The following LRRC55 variants were observed in gnomAD, a reference collection of about 807,000 sequenced individuals.
LRRC55 encodes the protein leucine-rich repeat-containing protein 55.
LRRC55 carries 11 observed loss-of-function variants against 20.5 expected under a neutral mutation model. The observed-to-expected ratio is 0.54, with a 90% CI of 0.34 to 0.89. The LOEUF (loss-of-function observed/expected upper bound fraction) is 0.89, where lower values mean the gene tolerates loss of function less well. Ranked by LOEUF, LRRC55 falls within the 40% of genes least tolerant of loss-of-function variation. The pLI is 0.02. For synonymous variants in LRRC55, 188 were observed against 166.6 expected (o/e 1.13, Z -0.99); for missense variants, 358 against 390.9 (o/e 0.92, Z 0.71).
At chr11:57,184,716 G>C (rs996997253) in intron 1 of LRRC55, among the ~76,000 whole-genome samples, 6 of 152,180 alleles carry the variant, frequency 3.9e-5, no homozygotes, top group Admixed American at 3.3e-4. Context: ...TAATAAGCAA[G>C]CCCCTGGGAT....
At position 57,182,478 on chromosome 11, in the gene LRRC55, G is replaced by T; in HGVS notation, c.456G>T (p.Arg152Ser). ...TGAGCCACAACCCCTGGCTGCGGAG[G>T]GTGCATCCCCAGGCCTTTCAGGGCC... ...IDLSHNPWLR[R>S]VHPQAFQGLM... Residue 152 changes from arginine (R) to serine (S), a missense_variant, in exon 1 of 2, where the codon AGG (arginine) becomes AGT (serine). Transcript: ENST00000497933. 1.9e-6 allele frequency: 3 copies of T among 1,609,952 alleles called. No individual in the cohort carries two copies. Among genetic ancestry groups the T allele is most frequent in the Non-Finnish European group, 2.5e-6 (3 of 1,178,634 alleles).
Position 57,188,716 on chromosome 11 carries a change from T to G in LRRC55, c.*1236T>G, listed in dbSNP as rs1854467680. ...TGCTCTTTCTACTGCCCCATCCAAG[T>G]TGGGGAACATCACCATTCCCTCTAG... On this transcript the variant is annotated 3_prime_UTR_variant, in exon 2 of 2. Coordinates refer to ENST00000497933, the MANE Select transcript of LRRC55 (RefSeq NM_001005210.4). The G allele has an allele frequency of 6.6e-6, 1 of 152,224 alleles. No individual in the cohort carries two copies. Among genetic ancestry groups the G allele is most frequent in the Non-Finnish European group, 1.5e-5 (1 of 68,044 alleles). The allele number at this position is 152,224 out of a possible 1,614,324, so 9.4% of individuals were successfully genotyped here. A position where few individuals can be genotyped will look rare whatever the true frequency, so the allele number is the denominator to read the frequency against.
At chr11:57,184,798 T>C (rs1355491874) in intron 1 of LRRC55, among the ~76,000 whole-genome samples, 1 of 152,198 alleles carries the variant, frequency 6.6e-6, no homozygotes, top group African/African-American at 2.4e-5. Flanking sequence ...CCACCCTGCA[T>C]CCTGTGTGGT....
chr11:57,181,972 G>T lies in LRRC55; in HGVS notation c.-51G>T. The T allele has an allele frequency of 6.2e-7, 1 of 1,614,076 alleles. No homozygotes were observed. The highest frequency in any genetic ancestry group is 8.5e-7 in the Non-Finnish European group (1 of 1,180,000). Reference sequence around the variant, plus strand: ...TGTGTCACAGACTCTCGATTCCATGGACACAGTCCTCATGGGCTCCCTCCA... The same window carrying T: ...TGTGTCACAGACTCTCGATTCCATGTACACAGTCCTCATGGGCTCCCTCCA... On this transcript the variant is annotated 5_prime_UTR_variant, in exon 1 of 2. Transcript: ENST00000497933.
chr11:57,186,656 G>T (rs1395166194), intron 1 of LRRC55, among the ~76,000 whole-genome samples: 1 of 152,224 alleles, frequency 6.6e-6, no homozygotes, highest in Non-Finnish European at 1.5e-5. Flanking sequence ...TTCAAGAGGG[G>T]ACACTCTGAG....
chr11:57,186,251 A>G (rs1271547792), intron 1 of LRRC55, among the ~76,000 whole-genome samples: 1 of 152,202 alleles, frequency 6.6e-6, no homozygotes, highest in African/African-American at 2.4e-5. Flanking sequence ...GAAATGCAAC[A>G]TAAGTAGTGG....
rs1455032070 is a variant in LRRC55 at position 57,182,342 on chromosome 11, G to A, written c.320G>A (p.Gly107Asp). The change falls in exon 1 of 2, where the codon GGC (glycine) becomes GAC (aspartate). Residue 107 changes from glycine to aspartate, a missense_variant. Physicochemically the swap from Gly to Asp is moderately conservative, Grantham distance 94. Transcript: ENST00000497933. ...HNNSLMELPR[G>D]LFLHAKRLAH... ...AACTCCTTAATGGAGCTGCCCCGGG[G>A]CCTCTTCCTCCATGCCAAGCGCTTG... 2 of 1,613,864 alleles carry A rather than the reference G, an allele frequency of 1.2e-6. No individual in the cohort carries two copies. The highest frequency in any genetic ancestry group is 1.7e-6 in the Non-Finnish European group (2 of 1,179,912).
intron 1 of LRRC55, among the ~76,000 whole-genome samples, chr11:57,184,164 C>A (rs548040090): frequency 3.9e-5 from 6 of 152,114 alleles, no homozygotes; most frequent in African/African-American, 1.4e-4. Flanking sequence ...TGGGATGGGG[C>A]GATGGTGGAG....
chr11:57,187,514 C>A lies in LRRC55; in HGVS notation c.*34C>A, dbSNP rs368061373. The A allele has an allele frequency of 2.5e-6, 4 of 1,577,618 alleles. No homozygotes were observed. The highest frequency in any genetic ancestry group is 1.7e-5 in the Admixed American group (1 of 58,268). On this transcript the variant is annotated 3_prime_UTR_variant, in exon 2 of 2. Coordinates refer to ENST00000497933, the MANE Select transcript of LRRC55 (RefSeq NM_001005210.4). ...CCTCTCATCCCTCCATGCTGCTGAC[C>A]GCCACAGCTGCTGGCCACCAGACGC...
At position 57,187,370 on chromosome 11, in the gene LRRC55, T is replaced by C. The variant is rs756976866; in HGVS notation, c.787T>C (p.Phe263Leu). ...LTLDDYLFIA[F>L]VGFVVSIASV... ...CCTGGATGATTACCTATTCATTGCGTTCGTGGGCTTCGTGGTCTCCATTGC... is the reference window on the plus strand; with the variant it reads ...CCTGGATGATTACCTATTCATTGCGCTCGTGGGCTTCGTGGTCTCCATTGC... Residue 263 changes from phenylalanine to leucine, a missense_variant, in exon 2 of 2, where the codon TTC (phenylalanine) becomes CTC (leucine). By Grantham distance (22) the Phe-to-Leu change is conservative (BLOSUM62 0). Around this residue, in one of 3 missense-constraint regions of LRRC55, gnomAD observed 178 missense variants for 207.9 expected, o/e 0.86. Coordinates refer to ENST00000497933, the MANE Select transcript of LRRC55 (RefSeq NM_001005210.4). 6.2e-7 allele frequency: 1 copy of C among 1,614,192 alleles called. No individual in the cohort carries two copies. Among genetic ancestry groups the C allele is most frequent in the Admixed American group, 1.7e-5 (1 of 60,032 alleles).
At chr11:57,185,182 C>A (rs1439156835) in intron 1 of LRRC55, among the ~76,000 whole-genome samples, 2 of 151,446 alleles carry the variant, frequency 1.3e-5, no homozygotes, top group Non-Finnish European at 2.9e-5. Flanking sequence ...AGCATTTATG[C>A]ATTTATACAA....
At chr11:57,185,206 A>T (rs985618452) in intron 1 of LRRC55, among the ~76,000 whole-genome samples, 1 of 151,842 alleles carries the variant, frequency 6.6e-6, no homozygotes, top group South Asian at 2.1e-4. Context: ...ATAATTTAGA[A>T]AATGTCTTCA....
chr11:57,183,164 G>T (rs563187769), intron 1 of LRRC55, among the ~76,000 whole-genome samples: 1 of 152,320 alleles, frequency 6.6e-6, no homozygotes, highest in African/African-American at 2.4e-5. Context: ...AAATTAAAAA[G>T]TGGCAGGACC....
chr11:57,189,677 A>C lies in LRRC55; in HGVS notation c.*2197A>C, dbSNP rs750766511. 9 of 152,288 alleles carry C rather than the reference A, an allele frequency of 5.9e-5. No individual in the cohort carries two copies. The highest frequency in any genetic ancestry group is 2.1e-4 in the South Asian group (1 of 4,830). 9.4% of individuals were successfully genotyped at this position (152,288 alleles called of 1,614,324 possible). ...AACCTCTGCAGTTTAGGAGAAGAACATCAAGGCACAGTCCAACATGCTGAT... is the reference window on the plus strand; with the variant it reads ...AACCTCTGCAGTTTAGGAGAAGAACCTCAAGGCACAGTCCAACATGCTGAT... On this transcript the variant is annotated 3_prime_UTR_variant, in exon 2 of 2. Coordinates refer to ENST00000497933, the MANE Select transcript of LRRC55 (RefSeq NM_001005210.4).
rs954389235 is a variant in LRRC55 at position 57,188,674 on chromosome 11, G to A, written c.*1194G>A. 6.6e-6 allele frequency: 1 copy of A among 152,180 alleles called. No homozygotes were observed. The highest frequency in any genetic ancestry group is 1.5e-5 in the Non-Finnish European group (1 of 68,046). The allele number at this position is 152,180 out of a possible 1,614,324, so 9.4% of individuals were successfully genotyped here. On this transcript the variant is annotated 3_prime_UTR_variant, in exon 2 of 2. Transcript: ENST00000497933. ...AGAGGTTAAAGTCACATGCCACTATGAGCAAGATAAAGTCTGTGCTCTTTC... is the reference window on the plus strand; with the variant it reads ...AGAGGTTAAAGTCACATGCCACTATAAGCAAGATAAAGTCTGTGCTCTTTC...
In LRRC55 at chr11:57,187,509, C is replaced by T. The variant is rs527823127; in HGVS notation, c.*29C>T. ...GCCTGCCTCTCATCCCTCCATGCTG[C>T]TGACCGCCACAGCTGCTGGCCACCA... is the stretch of plus-strand genomic sequence containing the variant. On this transcript the variant is annotated 3_prime_UTR_variant, in exon 2 of 2. Coordinates refer to ENST00000497933, the MANE Select transcript of LRRC55 (RefSeq NM_001005210.4). The T allele has an allele frequency of 1.0e-5, 16 of 1,591,172 alleles. No homozygotes were observed. The highest frequency in any genetic ancestry group is 9.4e-5 in the African/African-American group (7 of 74,652).
chr11:57,182,079 G>A lies in LRRC55; in HGVS notation c.57G>A (p.Leu19=). ...CCGGGCCACCCCACCCAGCAATGCT[G>A]CTGATCTCCCTCCTCTTGGCAGCCG... ...PWPGPPHPAM[L]LISLLLAAGL... The change falls in exon 1 of 2, where the codon CTG becomes CTA. Residue 19 remains leucine, a synonymous_variant. Transcript: ENST00000497933. 1 of 1,614,184 alleles carries A rather than the reference G, an allele frequency of 6.2e-7. No homozygotes were observed. Among genetic ancestry groups the A allele is most frequent in the Non-Finnish European group, 8.5e-7 (1 of 1,180,032 alleles).
Position 57,191,109 on chromosome 11 carries a change from T to C in LRRC55, c.*3629T>C, listed in dbSNP as rs1049092555. The C allele has an allele frequency of 5.9e-5, 9 of 152,204 alleles. No individual in the cohort carries two copies. Among genetic ancestry groups the C allele is most frequent in the African/African-American group, 2.2e-4 (9 of 41,458 alleles). The allele number at this position is 152,204 out of a possible 1,614,324, so 9.4% of individuals were successfully genotyped here. ...CTGAATCACATCACTTTGGGCCAGT[T>C]ATCTCTGGTCACCCTCAGACAAACC... On this transcript the variant is annotated 3_prime_UTR_variant, in exon 2 of 2. Coordinates refer to ENST00000497933, the MANE Select transcript of LRRC55 (RefSeq NM_001005210.4).
At chr11:57,187,132 G>A in intron 1 of LRRC55, 113 bp from the exon 2 acceptor site, 5 of 938,414 alleles carry the variant, frequency 5.3e-6, no homozygotes, top group Non-Finnish European at 8.4e-6. Flanking sequence ...TTGGCACATG[G>A]AAGAACTTCA....
Sources: allele counts gnomAD v4.1 joint callset (sites outside exome capture counted in the v4.1 genomes callset), GRCh38; gene constraint gnomAD v4.1.1; regional missense constraint gnomAD v4.1.1; transcripts MANE v1.5; gene names NCBI Gene and HGNC (gene_info 2026-07-23, HGNC 2026-07-21).